Variants in ANKRD27 observed in about 807,000 individuals in gnomAD.
The protein encoded by ANKRD27 is ankyrin repeat domain-containing protein 27.
A neutral mutation model predicts 129.7 loss-of-function variants in ANKRD27; 112 were observed. The observed-to-expected ratio is 0.86, with a 90% CI of 0.74 to 1.01. The LOEUF is 1.01. Ranked by LOEUF, ANKRD27 falls within the 50% of genes least tolerant of loss-of-function variation. ANKRD27 has a pLI of 0.00. For synonymous variants in ANKRD27, 516 were observed against 511.2 expected (o/e 1.01, Z -0.13); for missense variants, 1,258 against 1,300.5 (o/e 0.97, Z 0.50).
Position 32,659,049 on chromosome 19 carries a change from C to A in ANKRD27, c.-30-4G>T. On this transcript the variant is annotated splice_polypyrimidine_tract_variant and splice_region_variant and intron_variant, in intron 1 of 28. Transcript: ENST00000306065. ...CAGATGGGTCAGAGCAAATCTCCTG[C>A]AATAAGGGAGGGAAAAGCAGTGAAT... is the stretch of plus-strand genomic sequence containing the variant. 1 of 1,502,308 alleles carries A rather than the reference C, an allele frequency of 6.7e-7. No individual in the cohort carries two copies. The highest frequency in any genetic ancestry group is 9.3e-7 in the Non-Finnish European group (1 of 1,078,902). 93.1% of individuals were successfully genotyped at this position (1,502,308 alleles called of 1,614,324 possible).
rs375221814 is a variant in ANKRD27, at chr19:32,619,510, C to T, written c.1871G>A (p.Arg624Lys). Reference sequence around the variant, plus strand: ...CTGACTTACCTCGGACGACTTCTGCCTCCTCTCGAAGGACAGGTGATAGGC... The same window carrying T: ...CTGACTTACCTCGGACGACTTCTGCTTCCTCTCGAAGGACAGGTGATAGGC... Reference protein sequence around the residue: ...MEAYHLSFERRQKSSEAPVQS... With the variant: ...MEAYHLSFERKQKSSEAPVQS... The change falls in exon 19 of 29, where the codon AGG (arginine) becomes AAG (lysine). Residue 624 changes from arginine to lysine, a missense_variant. Transcript: ENST00000306065. 1.9e-6 allele frequency: 3 copies of T among 1,614,024 alleles called. No individual in the cohort carries two copies. The highest frequency in any genetic ancestry group is 2.5e-6 in the Non-Finnish European group (3 of 1,180,032).
At chr19:32,639,299 C>T (rs1376643752) in intron 12 of ANKRD27, 57 bp downstream of exon 12, 2 of 1,608,772 alleles carry the variant, frequency 1.2e-6, no homozygotes, top group African/African-American at 2.7e-5. Flanking sequence ...CCCCAGCACC[C>T]TATCAAGGGA....
chr19:32,622,881 G>A (rs534578043), intron 17 of ANKRD27, among the ~76,000 whole-genome samples: 45 of 151,536 alleles, frequency 3.0e-4, no homozygotes, highest in African/African-American at 1.0e-3. Context: ...GGGCTTAAGC[G>A]ATCCTCCCAC....
Position 32,606,033 on chromosome 19 carries a change from A to ATAAG in ANKRD27, c.2374-80_2374-79insCTTA, listed in dbSNP as rs957444714. ...GCCAGAGAAAAATTATGAAAAATAA[A>ATAAG]TAAATAAATAAATAAAATAAGAAAA... is the stretch of plus-strand genomic sequence containing the variant. On this transcript the variant is annotated intron_variant, in intron 23 of 28. Coordinates refer to ENST00000306065, the MANE Select transcript of ANKRD27 (RefSeq NM_032139.3). 3 of 1,242,162 alleles carry ATAAG rather than the reference A, an allele frequency of 2.4e-6. No individual in the cohort carries two copies. In the African/African-American group the frequency reaches 4.8e-5, roughly 20 times the overall value. 76.9% of individuals were successfully genotyped at this position (1,242,162 alleles called of 1,614,324 possible). A position where few individuals can be genotyped will look rare whatever the true frequency, so the allele number is the denominator to read the frequency against.
chr19:32,622,405 G>C lies in ANKRD27; in HGVS notation c.1827+17C>G. On this transcript the variant is annotated intron_variant, in intron 18 of 28. Transcript: ENST00000306065. ...TCTTTCGAAGTCATCTTGCCCCTCA[G>C]AGATGGGAAGAGCTACCTTTGAGTT... The C allele has an allele frequency of 1.2e-6, 2 of 1,613,030 alleles. No homozygotes were observed. Among genetic ancestry groups the C allele is most frequent in the East Asian group, 4.5e-5 (2 of 44,846 alleles).
intron 12 of ANKRD27, among the ~76,000 whole-genome samples, chr19:32,633,164 T>C (rs1485548280): frequency 6.6e-6 from 1 of 152,102 alleles, no homozygotes; most frequent in African/African-American, 2.4e-5. Context: ...CTCCCAAGAC[T>C]GAATCTTCAG....
intron 4 of ANKRD27, among the ~76,000 whole-genome samples, chr19:32,645,260 A>G (rs1327152261): frequency 1.3e-5 from 2 of 151,956 alleles, no homozygotes; most frequent in Non-Finnish European, 2.9e-5. Flanking sequence ...AAAAATAAAA[A>G]AATTAGCTGG....
chr19:32,662,211 C>T (rs1188196475), intron 1 of ANKRD27, among the ~76,000 whole-genome samples: 1 of 142,302 alleles, frequency 7.0e-6, no homozygotes, highest in Non-Finnish European at 1.5e-5. Context: ...GCCTGGGAGG[C>T]TGAGGCAAAG....
rs189513754 is a variant in ANKRD27, at chr19:32,628,123, G to A, written c.1380C>T (p.Asp460=). 1.1e-4 allele frequency: 170 copies of A among 1,614,192 alleles called. No homozygotes were observed. The highest frequency in any genetic ancestry group is 3.6e-4 in the South Asian group (33 of 91,088). ...DPSVVTPFSR[D]DRGHTPLHVA... is the part of the protein sequence containing the mutation. ...CATGGAGAGGGGTGTGCCCCCTGTC[G>A]TCTCTGGAGAATGGAGTGACAACTG... is the stretch of plus-strand genomic sequence containing the variant. Residue 460 remains aspartate (D), a synonymous_variant, in exon 15 of 29, where the codon GAC becomes GAT. Coordinates refer to ENST00000306065, the MANE Select transcript of ANKRD27 (RefSeq NM_032139.3).
chr19:32,649,410 C>G (rs1000470828), intron 3 of ANKRD27, among the ~76,000 whole-genome samples: 1 of 151,946 alleles, frequency 6.6e-6, no homozygotes, highest in Non-Finnish European at 1.5e-5. Context: ...GGTGTTCCAG[C>G]GACACACGGC....
Position 32,598,251 on chromosome 19 carries a change from C to G in ANKRD27, c.3047G>C (p.Arg1016Thr). The G allele has an allele frequency of 1.2e-6, 2 of 1,614,208 alleles. No homozygotes were observed. The highest frequency in any genetic ancestry group is 1.7e-6 in the Non-Finnish European group (2 of 1,180,036). ...PGLTQTGPGH[R>T]RMLRRHTVED... ...TACCGTGTGTCTCCGCAGCATCCGT[C>G]TGTGTCCAGGGCCAGTCTGTGTCAG... is the stretch of plus-strand genomic sequence containing the variant. Residue 1016 changes from arginine (R) to threonine (T), a missense_variant, in exon 29 of 29, where the codon AGA becomes ACA. Coordinates refer to ENST00000306065, the MANE Select transcript of ANKRD27 (RefSeq NM_032139.3).
chr19:32,618,203 A>G (rs558179419), intron 20 of ANKRD27, among the ~76,000 whole-genome samples: 3 of 151,956 alleles, frequency 2.0e-5, no homozygotes, highest in Non-Finnish European at 4.4e-5. Flanking sequence ...ATGTATATTT[A>G]TATGTATATA....
At chr19:32,658,733 A>T (rs1383576649) in intron 2 of ANKRD27, among the ~76,000 whole-genome samples, 181 bp downstream of exon 2, 5 of 152,220 alleles carry the variant, frequency 3.3e-5, no homozygotes, top group African/African-American at 9.6e-5. Flanking sequence ...CTGCAGTCCC[A>T]GAAGGCTTCC....
In ANKRD27 at chr19:32,639,355, C is replaced by T. The variant is rs1265575945; in HGVS notation, c.1116+1G>A. ...AGGCCAGGGCAGGGGTGAGATCTTA[C>T]AGGGGGTTTAGCAGAGAGGCTTCCT... On this transcript the variant is annotated splice_donor_variant, in intron 12 of 28. Transcript: ENST00000306065. LOFTEE classifies it high-confidence loss of function. 1.9e-6 allele frequency: 3 copies of T among 1,614,152 alleles called. No homozygotes were observed. The highest frequency in any genetic ancestry group is 2.5e-6 in the Non-Finnish European group (3 of 1,180,012).
At chr19:32,617,179 C>T (rs534209210) in intron 21 of ANKRD27, among the ~76,000 whole-genome samples, 2 of 152,212 alleles carry the variant, frequency 1.3e-5, no homozygotes, top group African/African-American at 2.4e-5. Flanking sequence ...CCACATGGCC[C>T]GAAACTGAAC....
At chr19:32,599,292 T>A (rs1175929877) in intron 28 of ANKRD27, among the ~76,000 whole-genome samples, 1 of 150,570 alleles carries the variant, frequency 6.6e-6, no homozygotes, top group Admixed American at 6.7e-5. Context: ...AATAAATAAA[T>A]AAAAAAATGT....
rs780495709 is a variant in ANKRD27, at chr19:32,643,532, G to T, written c.585+40C>A. 3.7e-6 allele frequency: 6 copies of T among 1,613,766 alleles called. No homozygotes were observed. In the East Asian group the frequency reaches 1.3e-4, roughly 36 times the overall value. Reference sequence around the variant, plus strand: ...TGAAAGGGCTTGGATTTGCATGGGGGTGCACCACAATTCTCCCTCTCAGAA... The same window carrying T: ...TGAAAGGGCTTGGATTTGCATGGGGTTGCACCACAATTCTCCCTCTCAGAA... On this transcript the variant is annotated intron_variant, in intron 6 of 28. Transcript: ENST00000306065.
chr19:32,644,018 G>A (rs990984422), intron 5 of ANKRD27, among the ~76,000 whole-genome samples: 3 of 152,084 alleles, frequency 2.0e-5, no homozygotes, highest in Non-Finnish European at 4.4e-5. Context: ...GGGAATACAC[G>A]TGCATGCCAC....
intron 2 of ANKRD27, among the ~76,000 whole-genome samples, chr19:32,650,085 C>T (rs1178984294): frequency 6.6e-6 from 1 of 152,104 alleles, no homozygotes; most frequent in African/African-American, 2.4e-5. Flanking sequence ...GCTGACGGCT[C>T]CTTCCTACAA....
Sources: gnomAD v4.1 joint callset for allele counts (sites outside exome capture counted in the v4.1 genomes callset) on GRCh38, gnomAD v4.1.1 for gene constraint, MANE v1.5 for transcripts, NCBI Gene and HGNC (gene_info 2026-07-23, HGNC 2026-07-21) for gene names.